Variants in ABCA4 observed in about 807,000 individuals in gnomAD.
The protein encoded by ABCA4 is retinal-specific phospholipid-transporting ATPase ABCA4.
In ABCA4, 196 loss-of-function variants were observed where a neutral mutation model predicts 263.7. The observed-to-expected ratio is 0.74, with a 90% CI of 0.66 to 0.84. The LOEUF is 0.84. ABCA4 is among the 40% of genes least tolerant of loss of function. The probability of loss-of-function intolerance (pLI) is 0.00; values close to 1 mark genes in which losing one functional copy is unlikely to be tolerated. For synonymous variants in ABCA4, 1,133 were observed against 1,094.2 expected (o/e 1.04, Z -0.70); for missense variants, 2,792 against 2,855.1 (o/e 0.98, Z 0.50).
At chr1:94,077,175 C>T (rs186783981) in intron 11 of ABCA4, among the ~76,000 whole-genome samples, 9 of 152,288 alleles carry the variant, frequency 5.9e-5, no homozygotes, top group African/African-American at 2.2e-4. Flanking sequence ...TTAGGGATGA[C>T]CCTGAAATCC....
Position 94,021,245 on chromosome 1 carries a change from A to T in ABCA4, c.5013T>A (p.Ile1671=). ...LNLTKEQLSE[I]TVLTTSVDAV... ...CTGGGGCTGTGGTGGCTTACACTGT[A>T]ATCTCTGAGAGCTGCTCCTTGGTCA... is the stretch of plus-strand genomic sequence containing the variant. Residue 1671 remains isoleucine, a synonymous_variant, in exon 35 of 50, where the codon ATT becomes ATA. Transcript: ENST00000370225. 2.5e-6 allele frequency: 4 copies of T among 1,614,210 alleles called. No homozygotes were observed. Among genetic ancestry groups the T allele is most frequent in the Non-Finnish European group, 3.4e-6 (4 of 1,180,030 alleles).
chr1:94,045,887 G>A (rs1435752972), intron 19 of ABCA4: 1 of 456,270 alleles, frequency 2.2e-6, no homozygotes, highest in East Asian at 7.0e-5. Context: ...GCTGCTCCTT[G>A]GGAAACCATG....
Position 94,000,925 on chromosome 1 carries a change from C to A in ABCA4, c.6390G>T (p.Met2130Ile). Residue 2130 changes from methionine to isoleucine, a missense_variant, in exon 47 of 50, where the codon ATG becomes ATT. Met to Ile is a conservative substitution (Grantham distance 10, BLOSUM62 1). Coordinates refer to ENST00000370225, the MANE Select transcript of ABCA4 (RefSeq NM_000350.3). ...GRAVVLTSHSMEECEALCTRL... is the reference protein window; with the variant it reads ...GRAVVLTSHSIEECEALCTRL... ...GGGTACACAGTGCCTCACATTCTTC[C>A]ATGCTGTGGGGCAGGAGAGAGGAGG... 6.2e-7 allele frequency: 1 copy of A among 1,614,238 alleles called. No individual in the cohort carries two copies. Among genetic ancestry groups the A allele is most frequent in the Non-Finnish European group, 8.5e-7 (1 of 1,180,042 alleles).
chr1:94,080,921 G>A (rs1661680653), intron 7 of ABCA4, among the ~76,000 whole-genome samples: 1 of 152,156 alleles, frequency 6.6e-6, no homozygotes, highest in East Asian at 1.9e-4. Context: ...ACTAGGATGA[G>A]CCTTAAAGAA....
chr1:94,008,101 A>C, intron 42 of ABCA4, 134 bp downstream of exon 42: 5 of 820,974 alleles, frequency 6.1e-6, no homozygotes, highest in Non-Finnish European at 8.2e-6. Flanking sequence ...GGCTAGTGGA[A>C]GATTTAAAAT....
chr1:94,104,613 G>A (rs1219345870), intron 4 of ABCA4, among the ~76,000 whole-genome samples: 3 of 152,188 alleles, frequency 2.0e-5, no homozygotes, highest in South Asian at 2.1e-4. Flanking sequence ...AGGGGAAGCC[G>A]GTCTTGAAGT....
In ABCA4 at chr1:94,120,960, C is replaced by A; in HGVS notation, c.66+20G>T. ...ATTTGCTCCACACCTCATTTTTAAA[C>A]CACAGACAGTAACTGTTACCTTTTG... On this transcript the variant is annotated intron_variant, in intron 1 of 49. Coordinates refer to ENST00000370225, the MANE Select transcript of ABCA4 (RefSeq NM_000350.3). 2.3e-6 allele frequency: 3 copies of A among 1,280,018 alleles called. No individual in the cohort carries two copies. Among genetic ancestry groups the A allele is most frequent in the Non-Finnish European group, 3.1e-6 (3 of 961,388 alleles). The allele number at this position is 1,280,018 out of a possible 1,614,324, so 79.3% of individuals were successfully genotyped here. A position where few individuals can be genotyped will look rare whatever the true frequency, so the allele number is the denominator to read the frequency against.
At chr1:94,008,926 G>A in intron 40 of ABCA4, 55 bp from the exon 41 acceptor site, 1 of 1,601,550 alleles carries the variant, frequency 6.2e-7, no homozygotes, top group Non-Finnish European at 8.5e-7. Context: ...CCTTGGCACT[G>A]TCCTTTCCAT....
At chr1:94,120,771 A>T (rs1004615596) in intron 1 of ABCA4, among the ~76,000 whole-genome samples, 3 of 152,044 alleles carry the variant, frequency 2.0e-5, no homozygotes, top group African/African-American at 7.2e-5. Flanking sequence ...GGACAGAGAA[A>T]CACATCTTCC....
At chr1:94,040,174 T>C in intron 23 of ABCA4, 47 bp from the exon 24 acceptor site, 1 of 1,473,636 alleles carries the variant, frequency 6.8e-7, no homozygotes, top group Non-Finnish European at 9.4e-7. Context: ...ATCCCTTCCA[T>C]GACAGCCTCT....
intron 33 of ABCA4, 21 bp downstream of exon 33, chr1:94,021,825 A>G (rs368686551): frequency 1.9e-6 from 3 of 1,613,098 alleles, no homozygotes; most frequent in Admixed American, 1.7e-5. Context: ...TCCTACTCAA[A>G]TCTCCAGTCT....
At chr1:94,065,997 T>C (rs968953757) in intron 11 of ABCA4, among the ~76,000 whole-genome samples, 2 of 152,272 alleles carry the variant, frequency 1.3e-5, no homozygotes, top group African/African-American at 4.8e-5. Flanking sequence ...AGCCTAACAT[T>C]GACCAGTCCT....
Position 94,021,915 on chromosome 1 carries a change from G to T in ABCA4, c.4704C>A (p.Val1568=), listed in dbSNP as rs1002218880. The T allele has an allele frequency of 6.2e-7, 1 of 1,614,186 alleles. No individual in the cohort carries two copies. Among genetic ancestry groups the T allele is most frequent in the Non-Finnish European group, 8.5e-7 (1 of 1,180,032 alleles). Residue 1568 remains valine, a synonymous_variant, in exon 33 of 50, where the codon GTC becomes GTA. Coordinates refer to ENST00000370225, the MANE Select transcript of ABCA4 (RefSeq NM_000350.3). ...CAAGTGCTTCCCCCGTGATGGGGAC[G>T]ACTGGGAGCTTTCCTCCAATGGAAA... ...GGISIGGKLP[V]VPITGEALVG...
At chr1:94,013,468 C>T (rs866826128) in intron 38 of ABCA4, among the ~76,000 whole-genome samples, 4 of 152,082 alleles carry the variant, frequency 2.6e-5, no homozygotes, top group East Asian at 1.9e-4. Context: ...ATGTGCTGGC[C>T]GGTCCCACCC....
chr1:94,067,099 G>A (rs997895108), intron 11 of ABCA4, among the ~76,000 whole-genome samples: 13 of 152,160 alleles, frequency 8.5e-5, no homozygotes, highest in Non-Finnish European at 1.9e-4. Context: ...TGTTTACTGA[G>A]TTGAGTTGAT....
chr1:94,024,201 C>T (rs1174468886), intron 31 of ABCA4, among the ~76,000 whole-genome samples: 1 of 152,148 alleles, frequency 6.6e-6, no homozygotes, highest in Non-Finnish European at 1.5e-5. Context: ...TAAAGTTAGA[C>T]AGGAGGTTTT....
chr1:94,031,781 C>A lies in ABCA4; in HGVS notation c.4125G>T (p.Ala1375=), dbSNP rs776180321. The change falls in exon 27 of 50, where the codon GCG becomes GCT. Residue 1375 remains alanine (A), a synonymous_variant. Coordinates refer to ENST00000370225, the MANE Select transcript of ABCA4 (RefSeq NM_000350.3). Reference sequence around the variant, plus strand: ...AAACACCGACCGACAATAGTACCTGCGCCAGGAAGTCCTTGTGGCTGCGGA... The same window carrying A: ...AAACACCGACCGACAATAGTACCTGAGCCAGGAAGTCCTTGTGGCTGCGGA... ...HTIRSHKDFL[A]QIVLPATFVF... The A allele has an allele frequency of 6.2e-7, 1 of 1,613,470 alleles. No homozygotes were observed. Among genetic ancestry groups the A allele is most frequent in the African/African-American group, 1.3e-5 (1 of 74,898 alleles).
Position 94,031,885 on chromosome 1 carries a change from C to T in ABCA4, c.4021G>A (p.Gly1341Ser). Residue 1341 changes from glycine (G) to serine (S), a missense_variant, in exon 27 of 50, where the codon GGC becomes AGC. Physicochemically the swap from Gly to Ser is moderately conservative, Grantham distance 56. Transcript: ENST00000370225. ...TGTGTCCCCGTGTTGAGCTGCGGGC[C>T]TGGGCACTCTGGCTCTGGGGGAGGC... ...GQPPPEPECP[G>S]PQLNTGTQLV... 1 of 1,614,184 alleles carries T rather than the reference C, an allele frequency of 6.2e-7. No homozygotes were observed. Among genetic ancestry groups the T allele is most frequent in the Non-Finnish European group, 8.5e-7 (1 of 1,180,026 alleles).
chr1:94,075,510 G>A (rs1273387702), intron 11 of ABCA4, among the ~76,000 whole-genome samples: 5 of 152,156 alleles, frequency 3.3e-5, no homozygotes, highest in African/African-American at 1.2e-4. Context: ...TCCAGAGTTT[G>A]GAGAGCGAGG....
Sources: allele counts gnomAD v4.1 joint callset (sites outside exome capture counted in the v4.1 genomes callset), GRCh38; gene constraint gnomAD v4.1.1; transcripts MANE v1.5; gene names NCBI Gene and HGNC (gene_info 2026-07-23, HGNC 2026-07-21).